Variants in GRM1 observed in about 807,000 individuals in gnomAD.
GRM1 encodes the protein metabotropic glutamate receptor 1.
Under a neutral mutation model 90.9 loss-of-function variants are expected in GRM1, and 33 were observed. That is an observed-to-expected ratio of 0.36 (90% confidence interval 0.28 to 0.49). The LOEUF is 0.49. Among genes scored for constraint, GRM1 ranks in the 20% least tolerant of loss-of-function variants. The probability of loss-of-function intolerance (pLI) is 0.99; values close to 1 mark genes in which losing one functional copy is unlikely to be tolerated. For synonymous variants in GRM1, 700 were observed against 613.2 expected (o/e 1.14, Z -2.09); for missense variants, 1,190 against 1,534.3 (o/e 0.78, Z 3.75).
intron 1 of GRM1, among the ~76,000 whole-genome samples, chr6:146,121,119 C>T (rs1297177978): frequency 6.6e-6 from 1 of 152,030 alleles, no homozygotes; most frequent in Non-Finnish European, 1.5e-5. Context: ...TTCAGAGCCT[C>T]TTATTGGTCT....
chr6:146,428,832 C>T (rs1778306621), intron 7 of GRM1, among the ~76,000 whole-genome samples: 1 of 152,104 alleles, frequency 6.6e-6, no homozygotes, highest in African/African-American at 2.4e-5. Context: ...TTTTAGTATC[C>T]ATCAGAATTC....
intron 1 of GRM1, among the ~76,000 whole-genome samples, chr6:146,061,734 A>G (rs978661372): frequency 1.1e-4 from 17 of 152,136 alleles, no homozygotes; most frequent in Non-Finnish European, 1.8e-4. Flanking sequence ...CATCACTATG[A>G]TGATGAGTGA....
intron 2 of GRM1, among the ~76,000 whole-genome samples, chr6:146,247,543 G>A (rs1301698085): frequency 1.3e-5 from 2 of 152,042 alleles, no homozygotes; most frequent in Non-Finnish European, 1.5e-5. Flanking sequence ...GAGGTAAGGA[G>A]TTCAAGACCA....
intron 3 of GRM1, among the ~76,000 whole-genome samples, chr6:146,334,608 G>C (rs1417497342): frequency 6.6e-6 from 1 of 152,134 alleles, no homozygotes; most frequent in Non-Finnish European, 1.5e-5. Flanking sequence ...ACTGAAAGTT[G>C]CATTGGTCAG....
At chr6:146,391,617 T>A (rs949658694) in intron 6 of GRM1, among the ~76,000 whole-genome samples, 1 of 151,948 alleles carries the variant, frequency 6.6e-6, no homozygotes, top group Admixed American at 6.6e-5. Context: ...ATTACATAAT[T>A]GGACAAATGA....
chr6:146,200,996 A>G (rs943791646), intron 2 of GRM1, among the ~76,000 whole-genome samples: 2 of 152,156 alleles, frequency 1.3e-5, no homozygotes, highest in African/African-American at 4.8e-5. Flanking sequence ...CCCATGTCTC[A>G]GGGCAGACAT....
chr6:146,389,486 C>T (rs1776638914), intron 6 of GRM1, among the ~76,000 whole-genome samples: 3 of 152,014 alleles, frequency 2.0e-5, no homozygotes, highest in African/African-American at 7.3e-5. Context: ...CTTGGAGATG[C>T]TCTATTGTGG....
chr6:146,304,330 G>T (rs998696916), intron 2 of GRM1, among the ~76,000 whole-genome samples: 1 of 152,100 alleles, frequency 6.6e-6, no homozygotes, highest in Non-Finnish European at 1.5e-5. Context: ...AGTGAATGGC[G>T]CAGAATCTGA....
intron 2 of GRM1, among the ~76,000 whole-genome samples, chr6:146,179,895 A>G (rs963555606): frequency 6.6e-6 from 1 of 151,128 alleles, no homozygotes; most frequent in Non-Finnish European, 1.5e-5. Context: ...TTTTCCCAGC[A>G]CTTTGGGAGG....
At chr6:146,152,572 T>C in intron 1 of GRM1, among the ~76,000 whole-genome samples, 1 of 151,984 alleles carries the variant, frequency 6.6e-6, no homozygotes, top group Non-Finnish European at 1.5e-5. Context: ...TTTGGGTGAG[T>C]TACTTAACTT....
chr6:146,330,734 C>T (rs552983370), intron 3 of GRM1, among the ~76,000 whole-genome samples: 32 of 152,154 alleles, frequency 2.1e-4, no homozygotes, highest in African/African-American at 7.7e-4. Flanking sequence ...ACTAACAGGG[C>T]TTAATACATA....
At chr6:146,392,483 G>T (rs986633923) in intron 6 of GRM1, among the ~76,000 whole-genome samples, 2 of 152,134 alleles carry the variant, frequency 1.3e-5, no homozygotes, top group Non-Finnish European at 2.9e-5. Flanking sequence ...TGCAATCTTT[G>T]CATATGCAGA....
intron 1 of GRM1, among the ~76,000 whole-genome samples, chr6:146,085,334 C>T (rs1776504260): frequency 6.6e-6 from 1 of 152,026 alleles, no homozygotes; most frequent in African/African-American, 2.4e-5. Flanking sequence ...AAATAAATGA[C>T]ACAAAACAGT....
At chr6:146,287,315 T>C (rs553348507) in intron 2 of GRM1, among the ~76,000 whole-genome samples, 32 of 152,354 alleles carry the variant, frequency 2.1e-4, no homozygotes, top group African/African-American at 7.7e-4. Context: ...GGGTCCTAGA[T>C]AAGTCCTTCT....
Position 146,123,405 on chromosome 6 carries a change from G to A in GRM1, c.701-35943G>A, listed in dbSNP as rs150092839. 1.4e-3 allele frequency among the ~76,000 whole-genome samples: 213 copies of A among 152,232 alleles called. 1 individual carries two copies. Among genetic ancestry groups the A allele is most frequent in the Middle Eastern group, 3.4e-3 (1 of 294 alleles). On this transcript the variant is annotated intron_variant, in intron 1 of 7. Coordinates refer to ENST00000282753, the MANE Select transcript of GRM1 (RefSeq NM_001278064.2). ...TTGGACCAGGCAAACCTTCTTCTAG[G>A]TTACCCAGAGAGTTTGCCTGATGGA...
chr6:146,276,040 A>T (rs983602922), intron 2 of GRM1, among the ~76,000 whole-genome samples: 1 of 152,170 alleles, frequency 6.6e-6, no homozygotes, highest in Non-Finnish European at 1.5e-5. Flanking sequence ...CATTAATGTT[A>T]TATCAAGCAA....
chr6:146,264,575 G>A (rs1294050840), intron 2 of GRM1, among the ~76,000 whole-genome samples: 2 of 151,690 alleles, frequency 1.3e-5, no homozygotes, highest in African/African-American at 4.8e-5. Flanking sequence ...ACATGTGTAG[G>A]TTTGTTACAT....
In GRM1 at chr6:146,434,826, C is replaced by T; in HGVS notation, c.*30C>T. The T allele has an allele frequency of 1.3e-6, 2 of 1,558,832 alleles. No individual in the cohort carries two copies. The highest frequency in any genetic ancestry group is 1.3e-5 in the African/African-American group (1 of 74,178). ...GAAGGGTCCACATAGAAAAGCAAGACAAGCCAGAGATCTCCCACACCTCCA... is the reference window on the plus strand; with the variant it reads ...GAAGGGTCCACATAGAAAAGCAAGATAAGCCAGAGATCTCCCACACCTCCA... On this transcript the variant is annotated 3_prime_UTR_variant, in exon 8 of 8. Coordinates refer to ENST00000282753, the MANE Select transcript of GRM1 (RefSeq NM_001278064.2).
chr6:146,302,522 C>T (rs1783426288), intron 2 of GRM1, among the ~76,000 whole-genome samples: 1 of 151,468 alleles, frequency 6.6e-6, no homozygotes, highest in South Asian at 2.1e-4. Context: ...CAGGTGTGGA[C>T]CAACACATCC....
Sources: gnomAD v4.1 joint callset for allele counts (sites outside exome capture counted in the v4.1 genomes callset) on GRCh38, gnomAD v4.1.1 for gene constraint, MANE v1.5 for transcripts, NCBI Gene and HGNC (gene_info 2026-07-23, HGNC 2026-07-21) for gene names.